Variants in ST8SIA2 observed in about 807,000 individuals in gnomAD.
ST8SIA2 encodes the protein alpha-2,8-sialyltransferase 8B.
In ST8SIA2, 22 loss-of-function variants were observed where a neutral mutation model predicts 37.6. The observed-to-expected ratio is 0.58, with a 90% CI of 0.42 to 0.83. The LOEUF is 0.83. ST8SIA2 is among the 40% of genes least tolerant of loss of function. ST8SIA2 has a pLI of 0.00. For synonymous variants in ST8SIA2, 205 were observed against 201.2 expected, an observed-to-expected ratio of 1.02 and a Z score of -0.16; for missense variants, 382 against 484.7, an observed-to-expected ratio of 0.79 and a Z score of 1.99.
chr15:92,422,701 G>A (rs1379188572), intron 1 of ST8SIA2: 1 of 152,684 alleles, frequency 6.5e-6, no homozygotes, highest in Non-Finnish European at 1.5e-5. Flanking sequence ...ACTTGGCCAA[G>A]TACAGCCACC....
At chr15:92,425,835 G>A (rs1005833888) in intron 1 of ST8SIA2, among the ~76,000 whole-genome samples, 5 of 152,122 alleles carry the variant, frequency 3.3e-5, no homozygotes, top group Non-Finnish European at 5.9e-5. Flanking sequence ...ACAGGGCAGG[G>A]GAATACTGGC....
chr15:92,418,319 G>A (rs1232940112), intron 1 of ST8SIA2, among the ~76,000 whole-genome samples: 1 of 151,656 alleles, frequency 6.6e-6, no homozygotes, highest in Non-Finnish European at 1.5e-5. Context: ...AAAAAATATG[G>A]GGCATGGTGG....
intron 5 of ST8SIA2, among the ~76,000 whole-genome samples, chr15:92,462,139 G>A (rs184169566): frequency 4.6e-5 from 7 of 152,166 alleles, no homozygotes; most frequent in African/African-American, 1.4e-4. Context: ...CGGGAGAATC[G>A]TGTTCACTCC....
Position 92,464,138 on chromosome 15 carries a change from C to T in ST8SIA2, c.881C>T (p.Thr294Ile). 6.3e-7 allele frequency: 1 copy of T among 1,598,420 alleles called. No individual in the cohort carries two copies. The change falls in exon 6 of 6, where the codon ACC becomes ATC. Residue 294 changes from threonine (T) to isoleucine (I), a missense_variant. Physicochemically the swap from Thr to Ile is moderately conservative, Grantham distance 89. Transcript: ENST00000268164. ...AACAAAGTCCACATCAAAAGACCCA[C>T]CACCGGCCTCTTGATGTATACCCTG... ...LTNKVHIKRP[T>I]TGLLMYTLAT...
chr15:92,434,281 G>A lies in ST8SIA2; in HGVS notation c.196G>A (p.Ala66Thr). 6.2e-7 allele frequency: 1 copy of A among 1,614,010 alleles called. No individual in the cohort carries two copies. The highest frequency in any genetic ancestry group is 8.5e-7 in the Non-Finnish European group (1 of 1,180,026). ...EVVINGSSSP[A>T]VVDRSNESIK... is the part of the protein sequence containing the mutation. ...TGTAATAAACGGCTCCTCATCACCA[G>A]CTGTTGTTGACAGAAGTAATGAAAG... The change falls in exon 3 of 6, where the codon GCT (alanine) becomes ACT (threonine). Residue 66 changes from alanine (A) to threonine (T), a missense_variant. Coordinates refer to ENST00000268164, the MANE Select transcript of ST8SIA2 (RefSeq NM_006011.4).
At chr15:92,422,292 A>G (rs2049640961) in intron 1 of ST8SIA2, 1 of 152,242 alleles carries the variant, frequency 6.6e-6, no homozygotes, top group South Asian at 2.1e-4. Context: ...CTTAGCAGTT[A>G]CATCACTTCT....
At chr15:92,450,658 A>G (rs2049875220) in intron 5 of ST8SIA2, among the ~76,000 whole-genome samples, 2 of 152,234 alleles carry the variant, frequency 1.3e-5, no homozygotes, top group Non-Finnish European at 1.5e-5. Flanking sequence ...TCATGAGGAC[A>G]GTATCCACCG....
chr15:92,461,477 G>C (rs1028520987), intron 5 of ST8SIA2, among the ~76,000 whole-genome samples: 1 of 152,232 alleles, frequency 6.6e-6, no homozygotes, highest in East Asian at 1.9e-4. Context: ...AGAGCTCAGT[G>C]TGTAAGGCAG....
At chr15:92,453,285 G>T (rs1396470072) in intron 5 of ST8SIA2, among the ~76,000 whole-genome samples, 1 of 152,084 alleles carries the variant, frequency 6.6e-6, no homozygotes, top group Non-Finnish European at 1.5e-5. Flanking sequence ...CTCTGAACCA[G>T]CCACGGGGCT....
chr15:92,467,719 C>T lies in ST8SIA2; in HGVS notation c.*3334C>T, dbSNP rs1196092495. On this transcript the variant is annotated 3_prime_UTR_variant, in exon 6 of 6. Transcript: ENST00000268164. ...TTCCCCTCTCTTCTCCTTGTCCCACCACATGGACATGCCTTACACTGGCGT... is the reference window on the plus strand; with the variant it reads ...TTCCCCTCTCTTCTCCTTGTCCCACTACATGGACATGCCTTACACTGGCGT... 1 of 152,474 alleles carries T rather than the reference C, an allele frequency of 6.6e-6. No individual in the cohort carries two copies. The highest frequency in any genetic ancestry group is 1.5e-5 in the Non-Finnish European group (1 of 68,120). 9.4% of individuals were successfully genotyped at this position (152,474 alleles called of 1,614,324 possible).
intron 5 of ST8SIA2, among the ~76,000 whole-genome samples, chr15:92,457,295 C>A (rs1014347556): frequency 6.6e-6 from 1 of 152,216 alleles, no homozygotes; most frequent in Non-Finnish European, 1.5e-5. Flanking sequence ...CCTTTTCCAA[C>A]AGTGACAGCC....
At position 92,427,260 on chromosome 15, in the gene ST8SIA2, CAAAAAAAAAAAAA is replaced by C. The variant is rs55783719; in HGVS notation, c.99-2781_99-2769del. ...AGCTGGTGGGAGGTTGGGCACTTGGCAAAAAAAAAAAAAAAAAAAAGCAAAGATTAATGCATCC... is the reference window on the plus strand; with the variant it reads ...AGCTGGTGGGAGGTTGGGCACTTGGCAAAAAAAGCAAAGATTAATGCATCC... On this transcript the variant is annotated intron_variant, in intron 1 of 5. Coordinates refer to ENST00000268164, the MANE Select transcript of ST8SIA2 (RefSeq NM_006011.4). Among the ~76,000 whole-genome samples the C allele has an allele frequency of 2.9e-5, 3 of 102,642 alleles. No homozygotes were observed. In the South Asian group the frequency reaches 1.0e-3, roughly 34 times the overall value. The allele number at this position is 102,642 out of a possible 152,430, so 67.3% of individuals were successfully genotyped here.
intron 4 of ST8SIA2, among the ~76,000 whole-genome samples, 160 bp from the exon 5 acceptor site, chr15:92,444,476 A>G (rs1286658834): frequency 2.0e-5 from 3 of 152,194 alleles, no homozygotes; most frequent in Admixed American, 1.3e-4. Context: ...AAAAAGGAGG[A>G]GAAAGGATGA....
chr15:92,396,443 G>A (rs2049430638), intron 1 of ST8SIA2, among the ~76,000 whole-genome samples: 1 of 151,850 alleles, frequency 6.6e-6, no homozygotes, highest in African/African-American at 2.4e-5. Context: ...TTACAAGTGA[G>A]GGGTTTCTTT....
intron 5 of ST8SIA2, among the ~76,000 whole-genome samples, chr15:92,456,596 G>A (rs1005197117): frequency 3.9e-5 from 6 of 152,192 alleles, no homozygotes; most frequent in African/African-American, 1.4e-4. Context: ...GGTCCAGGAG[G>A]CTTCCTGCAG....
chr15:92,439,196 G>A (rs2049782863), intron 4 of ST8SIA2, among the ~76,000 whole-genome samples: 1 of 125,848 alleles, frequency 7.9e-6, no homozygotes, highest in African/African-American at 3.7e-5. Flanking sequence ...CCAGTTGTTG[G>A]TTCAAGTTTG....
intron 5 of ST8SIA2, 88 bp downstream of exon 5, chr15:92,445,017 A>AT (rs1396384963): frequency 6.4e-7 from 1 of 1,571,932 alleles, no homozygotes; most frequent in Non-Finnish European, 8.6e-7. Flanking sequence ...GTGCATTTCC[A>AT]TCCCAGCTCC....
At chr15:92,433,989 T>A (rs1869776) in intron 2 of ST8SIA2, among the ~76,000 whole-genome samples, 11,078 of 151,886 alleles carry the variant, frequency 0.073, 1,143 homozygotes, top group African/African-American at 0.23. Context: ...AAAAAAAAAA[T>A]CACTAGGGGC....
At chr15:92,437,648 T>C (rs1365659256) in intron 3 of ST8SIA2, among the ~76,000 whole-genome samples, 2 of 151,926 alleles carry the variant, frequency 1.3e-5, no homozygotes, top group Non-Finnish European at 2.9e-5. Flanking sequence ...ATCCTCTCGG[T>C]GTCTCAAAGG....
Sources: gnomAD v4.1 joint callset for allele counts (sites outside exome capture counted in the v4.1 genomes callset) on GRCh38, gnomAD v4.1.1 for gene constraint, MANE v1.5 for transcripts, NCBI Gene and HGNC (gene_info 2026-07-23, HGNC 2026-07-21) for gene names.